CNP: variants seen among roughly 807,000 people sequenced by gnomAD.
CNP encodes the protein 2',3'-cyclic nucleotide 3' phosphodiesterase.
In CNP, 8 loss-of-function variants were observed where a neutral mutation model predicts 37.9. The ratio of observed to expected loss-of-function variants is 0.21; its 90% CI spans 0.12 to 0.38. The LOEUF (loss-of-function observed/expected upper bound fraction) is 0.38. Among genes scored for constraint, CNP ranks in the 10% least tolerant of loss-of-function variants. The pLI, the probability that CNP is intolerant of heterozygous loss-of-function variation, is 1.00. For synonymous variants in CNP, 237 were observed against 238.3 expected (o/e 0.99, Z 0.05); for missense variants, 457 against 551.0 (o/e 0.83, Z 1.71).
In CNP at chr17:41,966,865, C is replaced by T; in HGVS notation, c.-20C>T. ...GCGCTGGTGCCGGCAGAGGCGGCGA[C>T]GGTGGCGCCCCTCCTCATCATGGTG... On this transcript the variant is annotated 5_prime_UTR_variant, in exon 1 of 4. The change creates a new upstream start codon in the 5' untranslated region. Coordinates refer to ENST00000393892, the MANE Select transcript of CNP (RefSeq NM_033133.5). 7.3e-7 allele frequency: 1 copy of T among 1,361,818 alleles called. No individual in the cohort carries two copies. The highest frequency in any genetic ancestry group is 9.4e-7 in the Non-Finnish European group (1 of 1,058,760). The allele number at this position is 1,361,818 out of a possible 1,614,324, so 84.4% of individuals were successfully genotyped here.
chr17:41,968,592 G>A lies in CNP; in HGVS notation c.528G>A (p.Lys176=). The A allele has an allele frequency of 1.2e-6, 2 of 1,614,106 alleles. No individual in the cohort carries two copies. Among genetic ancestry groups the A allele is most frequent in the Non-Finnish European group, 1.7e-6 (2 of 1,180,040 alleles). The change falls in exon 2 of 4, where the codon AAG becomes AAA. Residue 176 remains lysine (K), a synonymous_variant. Coordinates refer to ENST00000393892, the MANE Select transcript of CNP (RefSeq NM_033133.5). This position sits in a 1 kb window ranked among gnomAD's most constrained non-coding sequence, Gnocchi z 4.8. Reference sequence around the variant, plus strand: ...AGCTGTCGGCTGATGACCTGAAGAAGCTGAAGCCTGGGCTGGAGAAGGACT... The same window carrying A: ...AGCTGTCGGCTGATGACCTGAAGAAACTGAAGCCTGGGCTGGAGAAGGACT... The part of the protein sequence containing the change: ...QWQLSADDLK[K]LKPGLEKDFL...
At chr17:41,972,090 G>A in intron 3 of CNP, 59 bp downstream of exon 3, 1 of 1,594,512 alleles carries the variant, frequency 6.3e-7, no homozygotes, top group Non-Finnish European at 8.6e-7. Flanking sequence ...AGGGGCTGCA[G>A]CATCTTCTGA....
rs1382298181 is a variant in CNP at position 41,973,921 on chromosome 17, A to T, written c.1263A>T (p.Ile421=). ...GCGCCTTGCAGTCCTGCACCATCATATGAGTGTTCTCACCACCACTTATGC... is the reference window on the plus strand; with the variant it reads ...GCGCCTTGCAGTCCTGCACCATCATTTGAGTGTTCTCACCACCACTTATGC... ...KGGALQSCTI[I] The change falls in exon 4 of 4, where the codon ATA becomes ATT. Residue 421 remains isoleucine, a synonymous_variant. Coordinates refer to ENST00000393892, the MANE Select transcript of CNP (RefSeq NM_033133.5). The T allele has an allele frequency of 6.6e-7, 1 of 1,518,758 alleles. No individual in the cohort carries two copies. The highest frequency in any genetic ancestry group is 2.3e-5 in the East Asian group (1 of 43,838). 94.1% of individuals were successfully genotyped at this position (1,518,758 alleles called of 1,614,324 possible). A position where few individuals can be genotyped will look rare whatever the true frequency, so the allele number is the denominator to read the frequency against.
intron 1 of CNP, chr17:41,967,849 C>T (rs1168683834): frequency 1.4e-6 from 2 of 1,390,624 alleles, no homozygotes; most frequent in Non-Finnish European, 1.9e-6. Flanking sequence ...TCCGAAGTGG[C>T]AGGAATGGGG....
chr17:41,971,912 A>G lies in CNP; in HGVS notation c.697A>G (p.Arg233Gly). The change falls in exon 3 of 4, where the codon AGG becomes GGG. Residue 233 changes from arginine to glycine, a missense_variant. Transcript: ENST00000393892. Reference protein sequence around the residue: ...LRQFVPGDEPREKMDLVTYFG... With the variant: ...LRQFVPGDEPGEKMDLVTYFG... ...GGCAGTCGTCCCTGGGGATGAGCCC[A>G]GGGAGAAGATGGACTTGGTCACCTA... The G allele has an allele frequency of 6.2e-7, 1 of 1,613,724 alleles. No homozygotes were observed.
At position 41,968,252 on chromosome 17, in the gene CNP, A is replaced by G; in HGVS notation, c.188A>G (p.Lys63Arg). 1 of 1,614,184 alleles carries G rather than the reference A, an allele frequency of 6.2e-7. No homozygotes were observed. The highest frequency in any genetic ancestry group is 8.5e-7 in the Non-Finnish European group (1 of 1,180,004). Residue 63 changes from lysine (K) to arginine (R), a missense_variant, in exon 2 of 4, where the codon AAG becomes AGG. Transcript: ENST00000393892. The surrounding 1 kb of genome is among the most constrained non-coding windows in gnomAD (Gnocchi z 4.8). Reference protein sequence around the residue: ...FILRGLPGSGKSTLARVIVDK... With the variant: ...FILRGLPGSGRSTLARVIVDK... ...TTGCGCGGCCTGCCAGGAAGCGGCA[A>G]GTCCACGCTGGCACGGGTCATCGTG...
chr17:41,973,682 G>A lies in CNP; in HGVS notation c.1024G>A (p.Val342Met), dbSNP rs781940101. 23 of 1,613,684 alleles carry A rather than the reference G, an allele frequency of 1.4e-5. No homozygotes were observed. The highest frequency in any genetic ancestry group is 1.6e-4 in the Middle Eastern group (1 of 6,084). The change falls in exon 4 of 4, where the codon GTG becomes ATG. Residue 342 changes from valine (V) to methionine (M), a missense_variant. Coordinates refer to ENST00000393892, the MANE Select transcript of CNP (RefSeq NM_033133.5). ...TLGCAADVEA[V>M]QTGLDLLEIL... is the part of the protein sequence containing the mutation. Reference sequence around the variant, plus strand: ...CGGCTGTGCAGCTGACGTAGAGGCCGTGCAGACGGGCCTTGACCTCTTAGA... The same window carrying A: ...CGGCTGTGCAGCTGACGTAGAGGCCATGCAGACGGGCCTTGACCTCTTAGA...
chr17:41,967,969 G>T (rs1305299974), intron 1 of CNP, 99 bp from the exon 2 acceptor site: 2 of 1,521,226 alleles, frequency 1.3e-6, no homozygotes, highest in Admixed American at 2.2e-5. Flanking sequence ...GCACTGCCCC[G>T]CTTGGGAAGG....
rs1555644295 is a variant in CNP, at chr17:41,974,005, T to C, written c.*81T>C. 2 of 126,562 alleles carry C rather than the reference T, an allele frequency of 1.6e-5. No homozygotes were observed. Among genetic ancestry groups the C allele is most frequent in the Non-Finnish European group, 3.0e-5 (2 of 67,006 alleles). The allele number at this position is 126,562 out of a possible 1,614,324, so 7.8% of individuals were successfully genotyped here. A position where few individuals can be genotyped will look rare whatever the true frequency, so the allele number is the denominator to read the frequency against. ...TCTGTTTGATCCTTGTTTTGTGACATTTTTTTTTTTTTTTTTTTTACTCAA... is the reference window on the plus strand; with the variant it reads ...TCTGTTTGATCCTTGTTTTGTGACACTTTTTTTTTTTTTTTTTTTACTCAA... On this transcript the variant is annotated 3_prime_UTR_variant, in exon 4 of 4. Transcript: ENST00000393892.
chr17:41,973,753 C>T lies in CNP; in HGVS notation c.1095C>T (p.Gly365=), dbSNP rs2229931. 2.0e-3 allele frequency: 3,299 copies of T among 1,611,526 alleles called. 52 individuals are homozygous for T. The African/African-American group carries it at 0.035, about 17-fold the overall frequency. The part of the protein sequence containing the change: ...EKGGSRGEEV[G]ELSRGKLYSL... ...GGGGCAGCCGAGGCGAGGAGGTGGG[C>T]GAGCTAAGCCGGGGCAAGCTCTATT... The change falls in exon 4 of 4, where the codon GGC becomes GGT. Residue 365 remains glycine, a synonymous_variant. Transcript: ENST00000393892.
chr17:41,971,862 G>A (rs1353375119), intron 2 of CNP, 30 bp from the exon 3 acceptor site: 5 of 1,613,436 alleles, frequency 3.1e-6, no homozygotes, highest in Non-Finnish European at 4.2e-6. Context: ...CTGCTCCCCT[G>A]CCCTGACTGC....
Position 41,973,647 on chromosome 17 carries a change from A to T in CNP, c.989A>T (p.His330Leu). ...TDNLPRGSRA[H>L]ITLGCAADVE... ...AACCTGCCGCGGGGGAGCCGCGCCC[A>T]CATCACCCTCGGCTGTGCAGCTGAC... Residue 330 changes from histidine to leucine, a missense_variant, in exon 4 of 4, where the codon CAC becomes CTC. Coordinates refer to ENST00000393892, the MANE Select transcript of CNP (RefSeq NM_033133.5). 1 of 1,614,060 alleles carries T rather than the reference A, an allele frequency of 6.2e-7. No individual in the cohort carries two copies. Among genetic ancestry groups the T allele is most frequent in the Non-Finnish European group, 8.5e-7 (1 of 1,180,024 alleles).
chr17:41,974,002 AC>A lies in CNP; in HGVS notation c.*79del. The A allele has an allele frequency of 1.6e-4, 171 of 1,071,594 alleles. No homozygotes were observed. Among genetic ancestry groups the A allele is most frequent in the Middle Eastern group, 3.3e-4 (1 of 2,998 alleles). The allele number at this position is 1,071,594 out of a possible 1,614,324, so 66.4% of individuals were successfully genotyped here. On this transcript the variant is annotated 3_prime_UTR_variant, in exon 4 of 4. Coordinates refer to ENST00000393892, the MANE Select transcript of CNP (RefSeq NM_033133.5). ...CCCTCTGTTTGATCCTTGTTTTGTG[AC>A]ATTTTTTTTTTTTTTTTTTTTACTC... is the stretch of plus-strand genomic sequence containing the variant.
In CNP at chr17:41,976,780, A is replaced by G. The variant is rs1567950786; in HGVS notation, c.*2856A>G. Reference sequence around the variant, plus strand: ...TTCCCTGGACCAGATGCTGAAAGAGAAAAGAGGGGTTGGTAGTTGGCTATG... The same window carrying G: ...TTCCCTGGACCAGATGCTGAAAGAGGAAAGAGGGGTTGGTAGTTGGCTATG... On this transcript the variant is annotated 3_prime_UTR_variant, in exon 4 of 4. Coordinates refer to ENST00000393892, the MANE Select transcript of CNP (RefSeq NM_033133.5). 2.5e-6 allele frequency: 4 copies of G among 1,609,890 alleles called. No homozygotes were observed. Among genetic ancestry groups the G allele is most frequent in the Non-Finnish European group, 2.5e-6 (3 of 1,179,144 alleles).
intron 2 of CNP, among the ~76,000 whole-genome samples, chr17:41,969,301 A>C (rs1195226056): frequency 6.6e-6 from 1 of 152,188 alleles, no homozygotes; most frequent in Non-Finnish European, 1.5e-5. Flanking sequence ...TCCAGAGGAC[A>C]CAAGTCTCAC....
At position 41,968,459 on chromosome 17, in the gene CNP, A is replaced by T. The variant is rs200196656; in HGVS notation, c.395A>T (p.Glu132Val). 1 of 1,612,370 alleles carries T rather than the reference A, an allele frequency of 6.2e-7. No individual in the cohort carries two copies. Among genetic ancestry groups the T allele is most frequent in the African/African-American group, 1.3e-5 (1 of 74,882 alleles). Reference sequence around the variant, plus strand: ...ACCAACCACGAACGGGAACGGCTGGAGCAGCTCTTTGAAATGGCCGACCAG... The same window carrying T: ...ACCAACCACGAACGGGAACGGCTGGTGCAGCTCTTTGAAATGGCCGACCAG... ...DDTNHERERL[E>V]QLFEMADQYQ... Residue 132 changes from glutamate to valine, a missense_variant, in exon 2 of 4, where the codon GAG becomes GTG. Transcript: ENST00000393892. This position sits in a 1 kb window ranked among gnomAD's most constrained non-coding sequence, Gnocchi z 4.8.
At chr17:41,967,842 G>A (rs782027063) in intron 1 of CNP, 1 of 1,382,340 alleles carries the variant, frequency 7.2e-7, no homozygotes, top group Non-Finnish European at 9.4e-7. Flanking sequence ...TTACCTTTCC[G>A]AAGTGGCAGG....
chr17:41,973,891 G>A lies in CNP; in HGVS notation c.1233G>A (p.Lys411=). ...CTGTGCCCACGCAAGGTAGCCGGAA[G>A]GGGGGCGCCTTGCAGTCCTGCACCA... ...GKPVPTQGSR[K]GGALQSCTII Residue 411 remains lysine, a synonymous_variant, in exon 4 of 4, where the codon AAG becomes AAA. Coordinates refer to ENST00000393892, the MANE Select transcript of CNP (RefSeq NM_033133.5). 6.4e-7 allele frequency: 1 copy of A among 1,562,306 alleles called. No individual in the cohort carries two copies. The highest frequency in any genetic ancestry group is 8.7e-7 in the Non-Finnish European group (1 of 1,152,570).
intron 2 of CNP, among the ~76,000 whole-genome samples, chr17:41,969,219 T>C (rs1352933577): frequency 2.0e-5 from 3 of 152,324 alleles, no homozygotes; most frequent in Middle Eastern, 6.8e-3. Flanking sequence ...CTAGGACTAT[T>C]GTGGCTTCAC....
Sources: allele counts gnomAD v4.1 joint callset (sites outside exome capture counted in the v4.1 genomes callset), GRCh38; gene constraint gnomAD v4.1.1; non-coding constraint Gnocchi (gnomAD v3.1); transcripts MANE v1.5; gene names NCBI Gene and HGNC (gene_info 2026-07-23, HGNC 2026-07-21).